The following AKNA variants were observed in gnomAD, a reference collection of about 807,000 sequenced individuals.
The protein encoded by AKNA is microtubule organization protein AKNA.
Under a neutral mutation model 138.8 loss-of-function variants are expected in AKNA, and 67 were observed. The observed-to-expected ratio is 0.48, with a 90% CI of 0.40 to 0.59. The LOEUF is 0.59. Ranked by LOEUF, AKNA falls within the 20% of genes least tolerant of loss-of-function variation. The pLI, the probability that AKNA is intolerant of heterozygous loss-of-function variation, is 0.00. For missense variants in AKNA, 1,813 were observed against 1,880.4 expected (o/e 0.96, Z 0.66); for synonymous variants, 737 against 754.4 (o/e 0.98, Z 0.38).
chr9:114,354,548 C>T (rs1014217172), intron 14 of AKNA, among the ~76,000 whole-genome samples: 3 of 151,852 alleles, frequency 2.0e-5, no homozygotes, highest in African/African-American at 7.3e-5. Flanking sequence ...CCCGTCTCTA[C>T]TAAAAATACA....
chr9:114,364,982 G>A (rs924088141), intron 6 of AKNA, among the ~76,000 whole-genome samples: 7 of 152,330 alleles, frequency 4.6e-5, no homozygotes, highest in East Asian at 3.9e-4. Flanking sequence ...GAAGGCACAC[G>A]TGTATGTTCT....
intron 14 of AKNA, among the ~76,000 whole-genome samples, chr9:114,355,679 T>A (rs887384336): frequency 2.6e-5 from 4 of 152,238 alleles, no homozygotes; most frequent in African/African-American, 9.6e-5. Context: ...CATGACAGTA[T>A]GTGTAAACAA....
At chr9:114,387,230 C>T (rs564304243) in intron 1 of AKNA, among the ~76,000 whole-genome samples, 1 of 152,316 alleles carries the variant, frequency 6.6e-6, no homozygotes, top group African/African-American at 2.4e-5. Context: ...GGGGTTCCCA[C>T]CAGCTGTGTG....
At chr9:114,339,320 TG>T (rs1830189051) in intron 21 of AKNA, among the ~76,000 whole-genome samples, 1 of 152,176 alleles carries the variant, frequency 6.6e-6, no homozygotes, top group Non-Finnish European at 1.5e-5. Context: ...CAAACTACAC[TG>T]GTCTCAACCA....
chr9:114,346,690 C>G lies in AKNA; in HGVS notation c.3493G>C (p.Glu1165Gln). 6.2e-7 allele frequency: 1 copy of G among 1,612,022 alleles called. No homozygotes were observed. Among genetic ancestry groups the G allele is most frequent in the Non-Finnish European group, 8.5e-7 (1 of 1,179,064 alleles). ...TTACTCAGGGACAGTCGGAGCACCTCCCGAGGCACTGAGGAAGACCTGGCT... is the reference window on the plus strand; with the variant it reads ...TTACTCAGGGACAGTCGGAGCACCTGCCGAGGCACTGAGGAAGACCTGGCT... ...QRARSSSVPR[E>Q]VLRLSLSSES... is the part of the protein sequence containing the mutation. Residue 1165 changes from glutamate (E) to glutamine (Q), a missense_variant, in exon 17 of 22, where the codon GAG becomes CAG. Glu to Gln is a conservative substitution (Grantham distance 29, BLOSUM62 2). Transcript: ENST00000374088.
chr9:114,335,276 G>C lies in AKNA; in HGVS notation c.*1778C>G, dbSNP rs1399232867. On this transcript the variant is annotated 3_prime_UTR_variant, in exon 22 of 22. Transcript: ENST00000374088. ...TGTGGACTTTGGGTCAGACCAATGT[G>C]AGTTTAAATCCAGGTTCTCTCCCAA... 1 of 152,226 alleles carries C rather than the reference G, an allele frequency of 6.6e-6. No individual in the cohort carries two copies. Among genetic ancestry groups the C allele is most frequent in the Non-Finnish European group, 1.5e-5 (1 of 68,040 alleles). 9.4% of individuals were successfully genotyped at this position (152,226 alleles called of 1,614,324 possible).
At position 114,368,470 on chromosome 9, in the gene AKNA, C is replaced by T. The variant is rs760908295; in HGVS notation, c.1542G>A (p.Pro514=). ...QPRSAEWWPG[P]AEDPQASAAS... ...CCGCAGAGGCCTGGGGGTCCTCGGC[C>T]GGGCCCGGCCACCACTCTGCAGAGC... The change falls in exon 5 of 22, where the codon CCG becomes CCA. Residue 514 remains proline (P), a synonymous_variant. Transcript: ENST00000374088. The T allele has an allele frequency of 1.5e-4, 191 of 1,282,332 alleles. No homozygotes were observed. The highest frequency in any genetic ancestry group is 2.2e-4 in the Admixed American group (7 of 31,300). The allele number at this position is 1,282,332 out of a possible 1,614,324, so 79.4% of individuals were successfully genotyped here.
chr9:114,389,533 C>G (rs1834255575), upstream of AKNA, among the ~76,000 whole-genome samples: 1 of 152,134 alleles, frequency 6.6e-6, no homozygotes, highest in Admixed American at 6.5e-5. Flanking sequence ...GTTTCTTCAT[C>G]TGTAAAACAG....
chr9:114,372,674 C>A (rs1832860739), intron 4 of AKNA, among the ~76,000 whole-genome samples: 1 of 152,160 alleles, frequency 6.6e-6, no homozygotes, highest in Non-Finnish European at 1.5e-5. Flanking sequence ...ATGGGGAAGC[C>A]CAAGTGTTTG....
rs1332853089 is a variant in AKNA at position 114,347,866 on chromosome 9, G to A, written c.3256C>T (p.Arg1086Trp). The A allele has an allele frequency of 1.7e-5, 27 of 1,551,098 alleles. No homozygotes were observed. The highest frequency in any genetic ancestry group is 3.6e-5 in the South Asian group (3 of 83,884). ...CTGTCTTCCAGCCGCAGACGAAGCC[G>A]GGACACCTCTTCTTGCAGCTCACAG... ...AICELQEEVS[R>W]LRLRLEDSLH... The change falls in exon 16 of 22, where the codon CGG (arginine) becomes TGG (tryptophan). Residue 1086 changes from arginine to tryptophan, a missense_variant. Coordinates refer to ENST00000374088, the MANE Select transcript of AKNA (RefSeq NM_001317950.2).
At chr9:114,387,993 G>A, upstream of AKNA, 1 of 399,446 alleles carries the variant, frequency 2.5e-6, no homozygotes, top group Non-Finnish European at 5.3e-6. Flanking sequence ...GCCAGCCCAA[G>A]CTGCTGCTCA....
At position 114,341,639 on chromosome 9, in the gene AKNA, G is replaced by A. The variant is rs372248700; in HGVS notation, c.3961C>T (p.Pro1321Ser). 6.2e-7 allele frequency: 1 copy of A among 1,610,880 alleles called. No individual in the cohort carries two copies. Among genetic ancestry groups the A allele is most frequent in the African/African-American group, 1.3e-5 (1 of 74,742 alleles). Residue 1321 changes from proline to serine, a missense_variant, in exon 21 of 22, where the codon CCA (proline) becomes TCA (serine). By Grantham distance (74) the Pro-to-Ser change is moderately conservative (BLOSUM62 -1). Coordinates refer to ENST00000374088, the MANE Select transcript of AKNA (RefSeq NM_001317950.2). ...RSKQAGSSPRPPPGLWYLATA... is the reference protein window; with the variant it reads ...RSKQAGSSPRSPPGLWYLATA... ...GCCAGATACCACAGTCCGGGGGGTG[G>A]GCGTGGCGACGACCCCGCCTGCTTG...
intron 18 of AKNA, chr9:114,344,714 G>T: frequency 6.5e-6 from 1 of 153,392 alleles, no homozygotes; most frequent in Non-Finnish European, 1.5e-5. Context: ...ATTTCTCCAG[G>T]TTAAGCTCAC....
At chr9:114,369,575 C>T (rs1036280698) in intron 4 of AKNA, among the ~76,000 whole-genome samples, 14 of 152,234 alleles carry the variant, frequency 9.2e-5, no homozygotes, top group South Asian at 2.1e-4. Flanking sequence ...AACCTCTCTG[C>T]GCACAAAATA....
chr9:114,331,534 T>C (rs1460252813), downstream of AKNA: 4 of 1,560,158 alleles, frequency 2.6e-6, no homozygotes, highest in Admixed American at 1.7e-5. Context: ...TGCCATCCCA[T>C]GTTCTCACCC....
intron 6 of AKNA, among the ~76,000 whole-genome samples, chr9:114,367,038 T>C (rs1212415159): frequency 6.6e-6 from 1 of 152,222 alleles, no homozygotes; most frequent in East Asian, 1.9e-4. Flanking sequence ...TTAAACCACT[T>C]CTGGAATAAA....
At chr9:114,361,424 C>T (rs1831950296) in intron 9 of AKNA, among the ~76,000 whole-genome samples, 2 of 152,132 alleles carry the variant, frequency 1.3e-5, no homozygotes, top group South Asian at 4.1e-4. Context: ...TCCTTCAGTG[C>T]ACTGACCAAA....
Position 114,355,974 on chromosome 9 carries a change from C to T in AKNA, c.3009G>A (p.Arg1003=), listed in dbSNP as rs908750747. The T allele has an allele frequency of 6.2e-7, 1 of 1,614,224 alleles. No homozygotes were observed. Among genetic ancestry groups the T allele is most frequent in the African/African-American group, 1.3e-5 (1 of 75,060 alleles). The change falls in exon 14 of 22, where the codon CGG becomes CGA. Residue 1003 remains arginine, a synonymous_variant. Transcript: ENST00000374088. ...CCAGGCTGAAGTTGGGTGCCCTCTG[C>T]CGGAGAGGCCCACTTGGGCTGGAGA... is the stretch of plus-strand genomic sequence containing the variant. ...RYLSSPSGPL[R]QRAPNFSLER... is the part of the protein sequence containing the mutation.
chr9:114,355,089 T>A (rs1447733438), intron 14 of AKNA, among the ~76,000 whole-genome samples: 1 of 151,712 alleles, frequency 6.6e-6, no homozygotes, highest in Admixed American at 6.6e-5. Context: ...TGGCCACAGG[T>A]GATCCTGGCC....
Sources: gnomAD v4.1 joint callset for allele counts (sites outside exome capture counted in the v4.1 genomes callset) on GRCh38, gnomAD v4.1.1 for gene constraint, MANE v1.5 for transcripts, NCBI Gene and HGNC (gene_info 2026-07-23, HGNC 2026-07-21) for gene names.